CNTNAP5: variants seen among roughly 807,000 people sequenced by gnomAD.
CNTNAP5 encodes the protein contactin-associated protein-like 5.
Under a neutral mutation model 150.2 loss-of-function variants are expected in CNTNAP5, and 72 were observed. That is an observed-to-expected ratio of 0.48 (90% CI 0.40 to 0.58). The LOEUF (loss-of-function observed/expected upper bound fraction) is 0.58. Among genes scored for constraint, CNTNAP5 ranks in the 20% least tolerant of loss-of-function variants. The pLI is 0.00. For synonymous variants in CNTNAP5, 672 were observed against 619.8 expected (o/e 1.08, Z -1.25); for missense variants, 1,636 against 1,626.2 (o/e 1.01, Z -0.10).
At chr2:124,489,852 G>T (rs544896436) in intron 7 of CNTNAP5, among the ~76,000 whole-genome samples, 1 of 152,124 alleles carries the variant, frequency 6.6e-6, no homozygotes, top group African/African-American at 2.4e-5. Context: ...AGCTGAGTCA[G>T]CTCCCTTCAA....
At chr2:124,154,801 G>A (rs111815357) in intron 1 of CNTNAP5, among the ~76,000 whole-genome samples, 1 of 152,050 alleles carries the variant, frequency 6.6e-6, no homozygotes, top group African/African-American at 2.4e-5. Flanking sequence ...TTCTTCTCCT[G>A]GGTTTTTCAC....
chr2:124,333,673 A>G (rs1689404274), intron 3 of CNTNAP5, among the ~76,000 whole-genome samples: 1 of 152,150 alleles, frequency 6.6e-6, no homozygotes. Flanking sequence ...TGTTAGATAG[A>G]TGGTTTTTCA....
chr2:124,794,633 C>T (rs1300998617), intron 18 of CNTNAP5, among the ~76,000 whole-genome samples: 3 of 152,064 alleles, frequency 2.0e-5, no homozygotes, highest in African/African-American at 4.8e-5. Flanking sequence ...TTAATTTATA[C>T]CATTTATTTT....
At chr2:124,257,869 CTT>C (rs1687352864) in intron 3 of CNTNAP5, among the ~76,000 whole-genome samples, 1 of 152,156 alleles carries the variant, frequency 6.6e-6, no homozygotes, top group Non-Finnish European at 1.5e-5. Context: ...TCAATAGTAA[CTT>C]GCTGACTATT....
At chr2:124,344,907 A>C (rs563373135) in intron 3 of CNTNAP5, among the ~76,000 whole-genome samples, 1 of 152,200 alleles carries the variant, frequency 6.6e-6, no homozygotes, top group Non-Finnish European at 1.5e-5. Flanking sequence ...CCCTGAATCC[A>C]TGGCTTCTCT....
At chr2:124,661,839 A>G (rs757705582) in intron 13 of CNTNAP5, among the ~76,000 whole-genome samples, 1 of 151,230 alleles carries the variant, frequency 6.6e-6, no homozygotes, top group South Asian at 2.1e-4. Flanking sequence ...ATCTTTTATA[A>G]ATTTTATAGC....
chr2:124,302,471 G>A (rs6748669), intron 3 of CNTNAP5, among the ~76,000 whole-genome samples: 49,820 of 152,000 alleles, frequency 0.33, 8,441 homozygotes, highest in Non-Finnish European at 0.36. Context: ...TCTTTGTGAT[G>A]CATCATCCCA....
chr2:124,443,851 T>TGTGA (rs1369633267), intron 5 of CNTNAP5, among the ~76,000 whole-genome samples: 28 of 143,506 alleles, frequency 2.0e-4, no homozygotes, highest in African/African-American at 6.6e-4. Context: ...TGTGTGTGTG[T>TGTGA]GATGTATAAT....
chr2:124,534,605 T>G (rs565443673), intron 10 of CNTNAP5, among the ~76,000 whole-genome samples: 184 of 152,290 alleles, frequency 1.2e-3, no homozygotes, highest in Middle Eastern at 6.8e-3. Context: ...TCGGGTGTGG[T>G]GGCTCACGCC....
At chr2:124,090,804 T>C (rs1190249854) in intron 1 of CNTNAP5, among the ~76,000 whole-genome samples, 1 of 152,206 alleles carries the variant, frequency 6.6e-6, no homozygotes, top group East Asian at 1.9e-4. Context: ...AATTTTTACC[T>C]GTTAGAAATC....
chr2:124,507,525 G>C (rs1032193167), intron 8 of CNTNAP5, among the ~76,000 whole-genome samples: 1 of 152,140 alleles, frequency 6.6e-6, no homozygotes, highest in African/African-American at 2.4e-5. Flanking sequence ...TGGCAAGACA[G>C]GTAATTGAGG....
Position 124,917,658 on chromosome 2 carries a change from G to A in CNTNAP5, c.*3370G>A, listed in dbSNP as rs1245327160. Among the ~76,000 whole-genome samples, 1 of 152,026 alleles carries A rather than the reference G, an allele frequency of 6.6e-6. No individual in the cohort carries two copies. The highest frequency in any genetic ancestry group is 1.5e-5 in the Non-Finnish European group (1 of 67,984). ...TCTCCACCAACGGGTAGCAAGAGCA[G>A]GATAGAACAAAATAAAGAGATTGTT... On this transcript the variant is annotated 3_prime_UTR_variant, in exon 24 of 24. Coordinates refer to ENST00000682447, the MANE Select transcript of CNTNAP5 (RefSeq NM_001367498.1).
chr2:124,854,744 T>TTCC (rs1412007683), intron 19 of CNTNAP5, among the ~76,000 whole-genome samples: 1 of 152,204 alleles, frequency 6.6e-6, no homozygotes, highest in Non-Finnish European at 1.5e-5. Context: ...TAAGCAACAA[T>TTCC]TCCTCCTAGG....
At chr2:124,055,366 A>G (rs2104647063) in intron 1 of CNTNAP5, among the ~76,000 whole-genome samples, 1 of 151,406 alleles carries the variant, frequency 6.6e-6, no homozygotes, top group African/African-American at 2.4e-5. Context: ...ATCTCCTCCA[A>G]CCCCTTCCGC....
chr2:124,047,771 C>G (rs1446330304), intron 1 of CNTNAP5, among the ~76,000 whole-genome samples: 2 of 152,142 alleles, frequency 1.3e-5, no homozygotes, highest in African/African-American at 2.4e-5. Flanking sequence ...TCAGCTCTAT[C>G]GTTCCTTGCA....
chr2:124,235,042 G>A (rs1428751786), intron 2 of CNTNAP5, among the ~76,000 whole-genome samples: 1 of 152,076 alleles, frequency 6.6e-6, no homozygotes, highest in East Asian at 1.9e-4. Flanking sequence ...AGGGCCTGAG[G>A]GAAGCAGGGT....
At chr2:124,167,051 G>A (rs1433503260) in intron 1 of CNTNAP5, among the ~76,000 whole-genome samples, 1 of 151,458 alleles carries the variant, frequency 6.6e-6, no homozygotes, top group African/African-American at 2.4e-5. Flanking sequence ...TATATTTTTT[G>A]TCCTGTCGTC....
chr2:124,550,514 G>A (rs901391564), intron 10 of CNTNAP5, among the ~76,000 whole-genome samples: 12 of 152,134 alleles, frequency 7.9e-5, no homozygotes, highest in Non-Finnish European at 2.9e-5. Context: ...GAGCTCTACT[G>A]TCTGTGCGTT....
At position 124,284,687 on chromosome 2, in the gene CNTNAP5, C is replaced by T. The variant is rs117929542; in HGVS notation, c.381+42294C>T. Among the ~76,000 whole-genome samples, 656 of 152,060 alleles carry T rather than the reference C, an allele frequency of 4.3e-3. 8 individuals carry two copies. The highest frequency in any genetic ancestry group is 0.032 in the East Asian group (163 of 5,166). On this transcript the variant is annotated intron_variant, in intron 3 of 23. Transcript: ENST00000682447. ...CTTGTGTTCTCAAGAAACTAAAAGG[C>T]CCGGGCAGGTCTTAATAGAGACTAA...
Sources: allele counts gnomAD v4.1 joint callset (sites outside exome capture counted in the v4.1 genomes callset), GRCh38; gene constraint gnomAD v4.1.1; transcripts MANE v1.5; gene names NCBI Gene and HGNC (gene_info 2026-07-23, HGNC 2026-07-21).